ATL1: variants seen among roughly 807,000 people sequenced by gnomAD.
ATL1 encodes atlastin GTPase 1.
Under a neutral mutation model 75.5 loss-of-function variants are expected in ATL1, and 31 were observed. The observed-to-expected ratio is 0.41, with a 90% CI of 0.31 to 0.55. ATL1 has a LOEUF of 0.55. Among genes scored for constraint, ATL1 ranks in the 20% least tolerant of loss-of-function variants. The pLI, the probability that ATL1 is intolerant of heterozygous loss-of-function variation, is 0.27. For synonymous variants in ATL1, 226 were observed against 233.3 expected (o/e 0.97, Z 0.28); for missense variants, 405 against 662.6 (o/e 0.61, Z 4.27).
intron 7 of ATL1, 94 bp from the exon 8 acceptor site, chr14:50,614,279 G>C: frequency 7.3e-7 from 1 of 1,370,316 alleles, no homozygotes; most frequent in Non-Finnish European, 1.0e-6. Context: ...CATCATTGTG[G>C]GACCAAACAG....
chr14:50,620,736 T>C lies in ATL1; in HGVS notation c.990+10T>C. The C allele has an allele frequency of 6.2e-7, 1 of 1,612,818 alleles. No homozygotes were observed. Among genetic ancestry groups the C allele is most frequent in the Non-Finnish European group, 8.5e-7 (1 of 1,179,092 alleles). On this transcript the variant is annotated intron_variant, in intron 9 of 13. Coordinates refer to ENST00000358385, the MANE Select transcript of ATL1 (RefSeq NM_015915.5). ...GGTGGAGTACTTCAAGGTATCACTC[T>C]CATTTCTAGAGCATTCGTGGGATAG...
chr14:50,563,904 T>C (rs1163789063), intron 1 of ATL1, among the ~76,000 whole-genome samples: 1 of 152,182 alleles, frequency 6.6e-6, no homozygotes, highest in African/African-American at 2.4e-5. Context: ...GTATAAGAGA[T>C]CTGAGATTCA....
At chr14:50,594,022 C>G in intron 5 of ATL1, 126 bp downstream of exon 5, 1 of 734,942 alleles carries the variant, frequency 1.4e-6, no homozygotes, top group Non-Finnish European at 2.3e-6. Context: ...AACTATTGGC[C>G]CAATTAGCTG....
intron 6 of ATL1, among the ~76,000 whole-genome samples, chr14:50,610,600 A>G (rs570512578): frequency 6.6e-6 from 1 of 152,142 alleles, no homozygotes; most frequent in Non-Finnish European, 1.5e-5. Context: ...ATATAACACT[A>G]AAGCCAAACA....
At chr14:50,548,174 T>C (rs941005939) in intron 1 of ATL1, among the ~76,000 whole-genome samples, 20 of 152,162 alleles carry the variant, frequency 1.3e-4, no homozygotes, top group African/African-American at 4.8e-4. Context: ...GAGCTGTCAC[T>C]GATAAGATAG....
chr14:50,623,205 C>T lies in ATL1; in HGVS notation c.1076C>T (p.Ala359Val). 1 of 1,613,890 alleles carries T rather than the reference C, an allele frequency of 6.2e-7. No individual in the cohort carries two copies. Among genetic ancestry groups the T allele is most frequent in the Non-Finnish European group, 8.5e-7 (1 of 1,179,906 alleles). ...QATAEANNLA[A>V]VATAKDTYNK... ...ACAGCAGAAGCTAACAATTTAGCAGCCGTGGCAACTGCCAAGGACACATAC... is the reference window on the plus strand; with the variant it reads ...ACAGCAGAAGCTAACAATTTAGCAGTCGTGGCAACTGCCAAGGACACATAC... The change falls in exon 11 of 14, where the codon GCC (alanine) becomes GTC (valine). Residue 359 changes from alanine to valine, a missense_variant. Transcript: ENST00000358385.
intron 1 of ATL1, among the ~76,000 whole-genome samples, chr14:50,547,622 A>G (rs2038650528): frequency 6.6e-6 from 1 of 152,222 alleles, no homozygotes; most frequent in Non-Finnish European, 1.5e-5. Context: ...GAACCCCTAT[A>G]ACAGCCCTGT....
chr14:50,555,335 G>A (rs1315294466), upstream of ATL1, among the ~76,000 whole-genome samples: 9 of 152,226 alleles, frequency 5.9e-5, no homozygotes, highest in Non-Finnish European at 2.9e-5. Flanking sequence ...AGGCTGGAGT[G>A]CAGTGGCGTG....
rs79272743 is a variant in ATL1, at chr14:50,545,461, G to T, written c.-140+12094G>T. On this transcript the variant is annotated intron_variant, in intron 1 of 13. Coordinates refer to the ATL1 transcript ENST00000441560. ...TCCCAGGGTGGTCGACGGCATCCATGTGGGGTGAAATAGTCCAACTGCTCA... is the reference window on the plus strand; with the variant it reads ...TCCCAGGGTGGTCGACGGCATCCATTTGGGGTGAAATAGTCCAACTGCTCA... Among the ~76,000 whole-genome samples the T allele has an allele frequency of 7.9e-3, 1,202 of 152,306 alleles. 8 individuals carry two copies. The highest frequency in any genetic ancestry group is 0.027 in the African/African-American group (1,122 of 41,570).
intron 1 of ATL1, among the ~76,000 whole-genome samples, chr14:50,534,470 T>G (rs775794195): frequency 6.6e-6 from 1 of 152,240 alleles, no homozygotes; most frequent in Non-Finnish European, 1.5e-5. Flanking sequence ...AATGCCCAGT[T>G]TGAGACGAGG....
chr14:50,591,603 A>G lies in ATL1; in HGVS notation c.486A>G (p.Thr162=), dbSNP rs1421875636. The stretch of plus-strand genomic sequence containing the variant: ...AGTCAACTTTGAGAGATTCAGCCAC[A>G]GTATTTGCCCTTAGCACAATGATCA... The part of the protein sequence containing the change: ...DSQSTLRDSA[T]VFALSTMISS... Residue 162 remains threonine (T), a synonymous_variant, in exon 4 of 14, where the codon ACA becomes ACG. Coordinates refer to ENST00000358385, the MANE Select transcript of ATL1 (RefSeq NM_015915.5). 2 of 1,613,636 alleles carry G rather than the reference A, an allele frequency of 1.2e-6. No homozygotes were observed. Among genetic ancestry groups the G allele is most frequent in the Non-Finnish European group, 1.7e-6 (2 of 1,179,800 alleles).
intron 1 of ATL1, among the ~76,000 whole-genome samples, chr14:50,537,341 T>C (rs950003783): frequency 1.3e-5 from 2 of 152,212 alleles, no homozygotes; most frequent in Admixed American, 6.5e-5. Flanking sequence ...AGATGATGTA[T>C]GGAAATGCCT....
At chr14:50,603,124 TA>T (rs146648640) in intron 6 of ATL1, among the ~76,000 whole-genome samples, 5,174 of 151,324 alleles carry the variant, frequency 0.034, 95 homozygotes, top group Middle Eastern at 0.058. Flanking sequence ...GCATAAACCC[TA>T]AAAAAAAACT....
At chr14:50,592,946 A>ATGTGTG (rs35964654) in intron 4 of ATL1, among the ~76,000 whole-genome samples, 4 of 132,524 alleles carry the variant, frequency 3.0e-5, no homozygotes, top group African/African-American at 9.2e-5. Context: ...ATATATATAT[A>ATGTGTG]TGTGTGTGTG....
At chr14:50,624,314 T>C (rs1250518605) in intron 11 of ATL1, among the ~76,000 whole-genome samples, 2 of 152,092 alleles carry the variant, frequency 1.3e-5, no homozygotes, top group Non-Finnish European at 2.9e-5. Flanking sequence ...AAGTGCTCAC[T>C]TCATGCCTGT....
At chr14:50,596,306 TA>T (rs77747493) in intron 6 of ATL1, among the ~76,000 whole-genome samples, 205 of 145,428 alleles carry the variant, frequency 1.4e-3, no homozygotes, top group African/African-American at 3.4e-3. Flanking sequence ...TGGTGTCTCT[TA>T]AAAAAAAAAA....
intron 6 of ATL1, among the ~76,000 whole-genome samples, chr14:50,604,467 A>G (rs1460478007): frequency 1.3e-5 from 2 of 152,086 alleles, no homozygotes; most frequent in Non-Finnish European, 2.9e-5. Context: ...AATGTTCACT[A>G]AGGGGGTAGT....
At chr14:50,625,837 G>A (rs2039514169) in intron 11 of ATL1, among the ~76,000 whole-genome samples, 2 of 150,968 alleles carry the variant, frequency 1.3e-5, no homozygotes, top group Admixed American at 6.6e-5. Flanking sequence ...GTGAACCCAA[G>A]AGGCAGAGTT....
intron 8 of ATL1, among the ~76,000 whole-genome samples, chr14:50,620,030 C>T (rs1414424614): frequency 1.3e-5 from 2 of 152,168 alleles, no homozygotes; most frequent in African/African-American, 4.8e-5. Flanking sequence ...GAGGCCGAGG[C>T]GGGAGGATCA....
Sources: gnomAD v4.1 joint callset for allele counts (sites outside exome capture counted in the v4.1 genomes callset) on GRCh38, gnomAD v4.1.1 for gene constraint, MANE v1.5 for transcripts, NCBI Gene and HGNC (gene_info 2026-07-23, HGNC 2026-07-21) for gene names.